Variants in RBFOX3 observed in about 807,000 individuals in gnomAD.
The protein encoded by RBFOX3 is RNA binding protein fox-1 homolog 3.
RBFOX3 carries 17 observed loss-of-function variants against 48.7 expected under a neutral mutation model. The observed-to-expected ratio is 0.35, with a 90% CI of 0.24 to 0.52. RBFOX3 has a LOEUF of 0.52. RBFOX3 is among the 20% of genes least tolerant of loss of function. The pLI, the probability that RBFOX3 is intolerant of heterozygous loss-of-function variation, is 0.94. For synonymous variants in RBFOX3, 212 were observed against 209.5 expected (o/e 1.01, Z -0.10); for missense variants, 382 against 497.5 (o/e 0.77, Z 2.21).
chr17:79,356,217 C>T (rs2084951089), intron 2 of RBFOX3, among the ~76,000 whole-genome samples: 2 of 152,068 alleles, frequency 1.3e-5, no homozygotes, highest in Non-Finnish European at 2.9e-5. Context: ...CATGTTCTCC[C>T]AGGAGCAGGA....
At chr17:79,128,634 C>T (rs998377680) in intron 4 of RBFOX3, among the ~76,000 whole-genome samples, 15 of 152,278 alleles carry the variant, frequency 9.9e-5, no homozygotes, top group African/African-American at 3.6e-4. Flanking sequence ...GAGCAGAGGC[C>T]CCTGACCAGC....
At chr17:79,257,366 T>C (rs375464796) in intron 3 of RBFOX3, among the ~76,000 whole-genome samples, 10 of 152,192 alleles carry the variant, frequency 6.6e-5, no homozygotes, top group Non-Finnish European at 1.3e-4. Context: ...AATGTTCCAA[T>C]AGCTTCCCCA....
At chr17:79,201,262 T>C (rs1159970463) in intron 4 of RBFOX3, among the ~76,000 whole-genome samples, 1 of 152,122 alleles carries the variant, frequency 6.6e-6, no homozygotes, top group Non-Finnish European at 1.5e-5. Flanking sequence ...TCTACTCTTA[T>C]TGGCTCAGAA....
At chr17:79,108,145 G>A (rs918915294) in intron 5 of RBFOX3, among the ~76,000 whole-genome samples, 5 of 152,214 alleles carry the variant, frequency 3.3e-5, no homozygotes, top group East Asian at 1.9e-4. Context: ...GACCACACAC[G>A]GAGAACCCCT....
At chr17:79,142,479 C>T (rs1173647060) in intron 4 of RBFOX3, among the ~76,000 whole-genome samples, 7 of 152,124 alleles carry the variant, frequency 4.6e-5, no homozygotes, top group Non-Finnish European at 8.8e-5. Flanking sequence ...CTTGACGAGC[C>T]CTCCCCAGCC....
At chr17:79,558,717 A>G (rs2091959913) in intron 1 of RBFOX3, among the ~76,000 whole-genome samples, 1 of 152,138 alleles carries the variant, frequency 6.6e-6, no homozygotes, top group African/African-American at 2.4e-5. Flanking sequence ...CAACCTGTTA[A>G]CCACATATTC....
intron 1 of RBFOX3, among the ~76,000 whole-genome samples, chr17:79,557,016 G>C (rs2091811220): frequency 6.6e-6 from 1 of 152,084 alleles, no homozygotes; most frequent in South Asian, 2.1e-4. Context: ...GGCCGAGGAT[G>C]GTGGATCATT....
Position 79,455,264 on chromosome 17 carries a change from G to C in RBFOX3, c.-175+27190C>G, listed in dbSNP as rs7212496. Among the ~76,000 whole-genome samples the C allele has an allele frequency of 3.9e-5, 6 of 152,314 alleles. No individual in the cohort carries two copies. The East Asian group carries it at 1.2e-3, about 29-fold the overall frequency. ...CCAAAGACGCGCAGGCTACCGTGAC[G>C]GGGGAGCGGAGAGGGGGAGAGGCAG... On this transcript the variant is annotated intron_variant, in intron 2 of 14. Transcript: ENST00000693108.
At position 79,154,098 on chromosome 17, in the gene RBFOX3, C is replaced by T. The variant is rs1445975171; in HGVS notation, c.-33-38350G>A. 2.6e-5 allele frequency among the ~76,000 whole-genome samples: 4 copies of T among 152,174 alleles called. No individual in the cohort carries two copies. The East Asian group carries it at 5.8e-4, about 22-fold the overall frequency. ...ACCCTCCTGACCCCGGCCCCCAAGG[C>T]TCTGCTGGTCCCCTCCCTCCCTCCC... is the stretch of plus-strand genomic sequence containing the variant. On this transcript the variant is annotated intron_variant, in intron 4 of 14. Transcript: ENST00000693108.
intron 3 of RBFOX3, among the ~76,000 whole-genome samples, chr17:79,257,904 AAAAAAAAT>A (rs1300336544): frequency 6.6e-6 from 1 of 151,430 alleles, no homozygotes; most frequent in Non-Finnish European, 1.5e-5. Context: ...TGTTTTGGGA[AAAAAAAAT>A]AAAAAAATAA....
intron 4 of RBFOX3, among the ~76,000 whole-genome samples, chr17:79,187,986 C>G (rs1417100418): frequency 2.0e-5 from 3 of 152,190 alleles, no homozygotes; most frequent in African/African-American, 7.2e-5. Flanking sequence ...AGGCGGCTTC[C>G]TTATATCAGG....
chr17:79,622,856 A>G, the RBFOX3 span, among the ~76,000 whole-genome samples: 1 of 152,234 alleles, frequency 6.6e-6, no homozygotes, highest in African/African-American at 2.4e-5. Flanking sequence ...TAATGTCTTT[A>G]TTCCAACACA....
At chr17:79,113,766 G>C (rs1038177131) in intron 5 of RBFOX3, among the ~76,000 whole-genome samples, 1 of 152,180 alleles carries the variant, frequency 6.6e-6, no homozygotes. Flanking sequence ...CTGTCCTTGC[G>C]TGGCAGGAAC....
Position 79,113,278 on chromosome 17 carries a change from G to A in RBFOX3, c.222+2216C>T, listed in dbSNP as rs1348933896. The stretch of plus-strand genomic sequence containing the variant: ...AACACCCTCTCCAGCTGCCTTCCAA[G>A]GTAGGAAGGCTCTGCATGAACAAAT... On this transcript the variant is annotated intron_variant, in intron 5 of 14. Coordinates refer to ENST00000693108, the MANE Select transcript of RBFOX3 (RefSeq NM_001350451.2). 3.3e-5 allele frequency among the ~76,000 whole-genome samples: 5 copies of A among 152,238 alleles called. No homozygotes were observed. In the East Asian group the frequency reaches 9.7e-4, roughly 30 times the overall value.
intron 2 of RBFOX3, among the ~76,000 whole-genome samples, chr17:79,462,475 A>T (rs2149273662): frequency 6.6e-6 from 1 of 152,358 alleles, no homozygotes; most frequent in African/African-American, 2.4e-5. Flanking sequence ...GATGTTAGAA[A>T]TGAAGTCACT....
chr17:79,522,467 T>C (rs1219561629), intron 1 of RBFOX3, among the ~76,000 whole-genome samples: 1 of 152,202 alleles, frequency 6.6e-6, no homozygotes, highest in Non-Finnish European at 1.5e-5. Flanking sequence ...ACCCCTGAGC[T>C]AACTTTTACC....
chr17:79,119,837 G>A (rs976487214), intron 4 of RBFOX3, among the ~76,000 whole-genome samples: 2 of 152,174 alleles, frequency 1.3e-5, no homozygotes, highest in African/African-American at 4.8e-5. Flanking sequence ...GTCACCTAGA[G>A]AAGTGTCCAC....
At chr17:79,191,021 G>A (rs1345705767) in intron 4 of RBFOX3, among the ~76,000 whole-genome samples, 1 of 152,210 alleles carries the variant, frequency 6.6e-6, no homozygotes, top group African/African-American at 2.4e-5. Flanking sequence ...ACAGCATTCA[G>A]GGTTCCTGAG....
At chr17:79,202,002 C>A (rs1220710225) in intron 4 of RBFOX3, among the ~76,000 whole-genome samples, 1 of 152,200 alleles carries the variant, frequency 6.6e-6, no homozygotes. Flanking sequence ...CTCCTCCTGC[C>A]GGCTTCACTC....
Sources: gnomAD v4.1 joint callset for allele counts (sites outside exome capture counted in the v4.1 genomes callset) on GRCh38, gnomAD v4.1.1 for gene constraint, MANE v1.5 for transcripts, NCBI Gene and HGNC (gene_info 2026-07-23, HGNC 2026-07-21) for gene names.